The following SLC1A2 variants were observed in gnomAD, a reference collection of about 807,000 sequenced individuals.
The protein encoded by SLC1A2 is excitatory amino acid transporter 2.
In SLC1A2, 15 loss-of-function variants were observed where a neutral mutation model predicts 48.8. The ratio of observed to expected loss-of-function variants is 0.31; its 90% CI spans 0.21 to 0.47. The LOEUF (loss-of-function observed/expected upper bound fraction) is 0.47, where lower values mean the gene tolerates loss of function less well. SLC1A2 is among the 20% of genes least tolerant of loss of function. The pLI, the probability that SLC1A2 is intolerant of heterozygous loss-of-function variation, is 0.99. For missense variants in SLC1A2, 502 were observed against 730.5 expected, an observed-to-expected ratio of 0.69 and a Z score of 3.61; for synonymous variants, 279 against 272.6, an observed-to-expected ratio of 1.02 and a Z score of -0.23.
At chr11:35,332,718 A>G (rs1852471154) in intron 1 of SLC1A2, among the ~76,000 whole-genome samples, 1 of 151,984 alleles carries the variant, frequency 6.6e-6, no homozygotes, top group Non-Finnish European at 1.5e-5. Context: ...CCCTCTCCCC[A>G]TCTGCCCTGA....
chr11:35,401,139 T>C (rs765756370), intron 1 of SLC1A2, among the ~76,000 whole-genome samples: 1 of 152,138 alleles, frequency 6.6e-6, no homozygotes, highest in Non-Finnish European at 1.5e-5. Context: ...GGGACCAAGG[T>C]CCTTATTATG....
At position 35,286,967 on chromosome 11, in the gene SLC1A2, AAGAG is replaced by A. The variant is rs746967451; in HGVS notation, c.1092-20_1092-17del. 10 of 1,608,930 alleles carry A rather than the reference AAGAG, an allele frequency of 6.2e-6. No homozygotes were observed. The highest frequency in any genetic ancestry group is 8.5e-6 in the Non-Finnish European group (10 of 1,175,532). On this transcript the variant is annotated splice_polypyrimidine_tract_variant and intron_variant, in intron 7 of 10. Coordinates refer to ENST00000278379, the MANE Select transcript of SLC1A2 (RefSeq NM_004171.4). ...AGTTCCAGCACTGAGAACAAAGAGA[AAGAG>A]AGAGACAGGGTTATGTCCACTTTAG...
chr11:35,282,991 T>C (rs1311183174), intron 8 of SLC1A2, among the ~76,000 whole-genome samples: 2 of 147,282 alleles, frequency 1.4e-5, no homozygotes, highest in Non-Finnish European at 2.9e-5. Context: ...CTCACTTCTC[T>C]AGGGTTCCTG....
intron 1 of SLC1A2, among the ~76,000 whole-genome samples, chr11:35,381,434 G>A (rs1854419342): frequency 6.6e-6 from 1 of 152,064 alleles, no homozygotes; most frequent in African/African-American, 2.4e-5. Flanking sequence ...CCAAAAGATG[G>A]GGAGAGTAGC....
At chr11:35,278,648 C>T (rs973859011) in intron 9 of SLC1A2, among the ~76,000 whole-genome samples, 4 of 152,136 alleles carry the variant, frequency 2.6e-5, no homozygotes, top group African/African-American at 9.7e-5. Context: ...GCTGTCCTTC[C>T]TCCCTTCGGC....
At chr11:35,269,356 A>C (rs1850206299) in intron 9 of SLC1A2, among the ~76,000 whole-genome samples, 1 of 152,156 alleles carries the variant, frequency 6.6e-6, no homozygotes, top group South Asian at 2.1e-4. Flanking sequence ...TCTCAACCAT[A>C]ATTTTTCTCA....
chr11:35,402,366 A>C (rs954287096), intron 1 of SLC1A2, among the ~76,000 whole-genome samples: 3 of 152,118 alleles, frequency 2.0e-5, no homozygotes, highest in Non-Finnish European at 4.4e-5. Flanking sequence ...ATCCCTGAAC[A>C]ATGGGGTCTG....
chr11:35,323,202 G>A (rs760170692), intron 1 of SLC1A2: 2 of 213,560 alleles, frequency 9.4e-6, no homozygotes, highest in Non-Finnish European at 1.9e-5. Context: ...CAGTCCATTC[G>A]AGGGGCTGGT....
intron 1 of SLC1A2, among the ~76,000 whole-genome samples, chr11:35,341,473 G>A (rs1343498514): frequency 1.3e-5 from 2 of 152,082 alleles, no homozygotes; most frequent in African/African-American, 2.4e-5. Flanking sequence ...GCTTCCTAAA[G>A]TATAATTTAA....
intron 1 of SLC1A2, among the ~76,000 whole-genome samples, chr11:35,375,540 A>C (rs1287746060): frequency 6.6e-6 from 1 of 152,242 alleles, no homozygotes; most frequent in Non-Finnish European, 1.5e-5. Context: ...GCACAGCAGG[A>C]GGCCCTGGAG....
chr11:35,260,658 T>C lies in SLC1A2; in HGVS notation c.*236A>G, dbSNP rs1950379403. ...CAACTGATTCCTCCAGCAGCATCCA[T>C]TCAAATAATAATACAAGTGAGAAAA... On this transcript the variant is annotated 3_prime_UTR_variant, in exon 11 of 11. Transcript: ENST00000278379. 1 of 493,334 alleles carries C rather than the reference T, an allele frequency of 2.0e-6. No individual in the cohort carries two copies. The highest frequency in any genetic ancestry group is 1.9e-5 in the African/African-American group (1 of 51,398). The allele number at this position is 493,334 out of a possible 1,614,324, so 30.6% of individuals were successfully genotyped here.
upstream of SLC1A2, chr11:35,420,207 G>A (rs1855749005): frequency 1.0e-5 from 2 of 190,860 alleles, no homozygotes; most frequent in South Asian, 1.5e-4. Flanking sequence ...CGGAGAGTTG[G>A]CCGAGGGGTG....
At chr11:35,334,814 ATTTTG>A (rs10611656) in intron 1 of SLC1A2, among the ~76,000 whole-genome samples, 12,226 of 146,930 alleles carry the variant, frequency 0.083, 646 homozygotes, top group East Asian at 0.15. Context: ...CTGGAGAGCA[ATTTTG>A]TTTTGTTTTG....
At chr11:35,326,815 CCTT>C (rs1240828698) in intron 1 of SLC1A2, among the ~76,000 whole-genome samples, 1 of 152,196 alleles carries the variant, frequency 6.6e-6, no homozygotes, top group African/African-American at 2.4e-5. Context: ...CAAATTTCCT[CCTT>C]GAGAGAACTA....
In SLC1A2 at chr11:35,251,937, G is replaced by A. The variant is rs1319673077; in HGVS notation, c.*8957C>T. ...TAATTATACAGAATGTGTGTTTTAGGAGGCAACTGTAAACTTGCATTAGTT... is the reference window on the plus strand; with the variant it reads ...TAATTATACAGAATGTGTGTTTTAGAAGGCAACTGTAAACTTGCATTAGTT... On this transcript the variant is annotated 3_prime_UTR_variant, in exon 11 of 11. Transcript: ENST00000278379. The A allele has an allele frequency of 1.3e-5, 2 of 152,672 alleles. No individual in the cohort carries two copies. The highest frequency in any genetic ancestry group is 2.1e-4 in the South Asian group (1 of 4,816). The allele number at this position is 152,672 out of a possible 1,614,324, so 9.5% of individuals were successfully genotyped here.
chr11:35,295,549 C>T (rs575631584), intron 6 of SLC1A2, among the ~76,000 whole-genome samples: 1 of 152,356 alleles, frequency 6.6e-6, no homozygotes, highest in Admixed American at 6.5e-5. Context: ...CATAAAGAGG[C>T]TGAGGGCTCC....
chr11:35,355,484 G>A (rs1211859003), intron 1 of SLC1A2, among the ~76,000 whole-genome samples: 1 of 152,166 alleles, frequency 6.6e-6, no homozygotes, highest in Non-Finnish European at 1.5e-5. Flanking sequence ...GCATCCATGG[G>A]TTGTGCCTGC....
chr11:35,351,451 A>G (rs148744431), intron 1 of SLC1A2, among the ~76,000 whole-genome samples: 1 of 152,300 alleles, frequency 6.6e-6, no homozygotes, highest in Non-Finnish European at 1.5e-5. Context: ...GTGTTCTCCC[A>G]GATACTTCAC....
At chr11:35,306,556 G>A (rs1279347650) in intron 4 of SLC1A2, among the ~76,000 whole-genome samples, 2 of 152,076 alleles carry the variant, frequency 1.3e-5, no homozygotes. Flanking sequence ...GGCATTTAAG[G>A]TGTCTAACAT....
Sources: gnomAD v4.1 joint callset for allele counts (sites outside exome capture counted in the v4.1 genomes callset) on GRCh38, gnomAD v4.1.1 for gene constraint, MANE v1.5 for transcripts, NCBI Gene and HGNC (gene_info 2026-07-23, HGNC 2026-07-21) for gene names.